The following DOCK3 variants were observed in gnomAD, a reference collection of about 807,000 sequenced individuals.
The protein encoded by DOCK3 is dedicator of cytokinesis protein 3.
A neutral mutation model predicts 265.6 loss-of-function variants in DOCK3; 60 were observed. The ratio of observed to expected loss-of-function variants is 0.23; its 90% CI spans 0.18 to 0.28. The LOEUF is 0.28. DOCK3 is among the 10% of genes least tolerant of loss of function. The probability of loss-of-function intolerance (pLI) is 1.00; values close to 1 mark genes in which losing one functional copy is unlikely to be tolerated. For synonymous variants in DOCK3, 881 were observed against 938.0 expected (o/e 0.94, Z 1.11); for missense variants, 1,981 against 2,594.3 (o/e 0.76, Z 5.14).
At chr3:51,066,924 G>T (rs1294121475) in intron 6 of DOCK3, among the ~76,000 whole-genome samples, 3 of 152,054 alleles carry the variant, frequency 2.0e-5, no homozygotes, top group Non-Finnish European at 2.9e-5. Context: ...CATGAATTTA[G>T]GTGTACCATA....
At chr3:50,981,795 T>G (rs2077700960) in intron 5 of DOCK3, among the ~76,000 whole-genome samples, 1 of 152,234 alleles carries the variant, frequency 6.6e-6, no homozygotes, top group African/African-American at 2.4e-5. Flanking sequence ...TCCATTTGCA[T>G]GAAGTATCTT....
In DOCK3 at chr3:50,725,915, T is replaced by A. The variant is rs890529442; in HGVS notation, c.37+50615T>A. On this transcript the variant is annotated intron_variant, in intron 1 of 52. Coordinates refer to ENST00000266037, the MANE Select transcript of DOCK3 (RefSeq NM_004947.5). The stretch of plus-strand genomic sequence containing the variant: ...CATCCCTTGGTATCTCTTGGAGTAA[T>A]TGTGAAAAGAGAACAAAAATTCCCA... Among the ~76,000 whole-genome samples, 5 of 152,252 alleles carry A rather than the reference T, an allele frequency of 3.3e-5. No individual in the cohort carries two copies. The East Asian group carries it at 9.7e-4, about 29-fold the overall frequency.
chr3:50,704,909 G>A (rs909874682), intron 1 of DOCK3, among the ~76,000 whole-genome samples: 1 of 152,076 alleles, frequency 6.6e-6, no homozygotes, highest in African/African-American at 2.4e-5. Context: ...GATTACAGAT[G>A]TGAGTCACCA....
chr3:50,829,236 GTTTTC>G (rs564891600), intron 2 of DOCK3, among the ~76,000 whole-genome samples: 115 of 152,174 alleles, frequency 7.6e-4, no homozygotes, highest in African/African-American at 2.6e-3. Context: ...GTTCATGGGT[GTTTTC>G]TTTTAGCATT....
intron 5 of DOCK3, among the ~76,000 whole-genome samples, chr3:50,957,346 T>A (rs1281330579): frequency 2.0e-5 from 3 of 152,226 alleles, no homozygotes; most frequent in Non-Finnish European, 4.4e-5. Context: ...TAAAATAACT[T>A]TCTTTTAAAA....
intron 4 of DOCK3, among the ~76,000 whole-genome samples, chr3:50,914,398 C>G (rs1279393904): frequency 1.3e-5 from 2 of 151,938 alleles, no homozygotes; most frequent in Non-Finnish European, 2.9e-5. Flanking sequence ...TGTTGTGTTT[C>G]TATTTTCACT....
chr3:51,071,286 G>A (rs1180179070), intron 6 of DOCK3, among the ~76,000 whole-genome samples: 2 of 152,240 alleles, frequency 1.3e-5, no homozygotes, highest in Non-Finnish European at 2.9e-5. Context: ...TATATTTGTT[G>A]AATTATTGGA....
chr3:51,174,124 A>G (rs1250603963), intron 12 of DOCK3, among the ~76,000 whole-genome samples: 1 of 152,086 alleles, frequency 6.6e-6, no homozygotes, highest in Non-Finnish European at 1.5e-5. Flanking sequence ...CAGTTCCAGT[A>G]TATCTTTTTA....
At chr3:50,961,881 T>A (rs920162192) in intron 5 of DOCK3, among the ~76,000 whole-genome samples, 1 of 152,222 alleles carries the variant, frequency 6.6e-6, no homozygotes. Context: ...TAGAAAGGAA[T>A]TATTAATTTT....
intron 2 of DOCK3, among the ~76,000 whole-genome samples, chr3:50,780,008 G>A (rs1180719220): frequency 1.3e-5 from 2 of 152,062 alleles, no homozygotes; most frequent in African/African-American, 4.8e-5. Flanking sequence ...TAATCTAGTT[G>A]GGTTACTGTT....
chr3:51,046,397 A>ATAT (rs1370494258), intron 5 of DOCK3, among the ~76,000 whole-genome samples: 1 of 152,190 alleles, frequency 6.6e-6, no homozygotes, highest in African/African-American at 2.4e-5. Flanking sequence ...GATGGAAAAA[A>ATAT]TATTCCATAA....
chr3:50,759,784 G>C (rs376657237), intron 1 of DOCK3, among the ~76,000 whole-genome samples: 101 of 151,520 alleles, frequency 6.7e-4, no homozygotes, highest in African/African-American at 2.3e-3. Context: ...CCTGAGCCCA[G>C]GAGTTCAAGG....
chr3:51,273,298 T>G (rs745419804), intron 24 of DOCK3, among the ~76,000 whole-genome samples: 21 of 152,208 alleles, frequency 1.4e-4, no homozygotes, highest in Non-Finnish European at 2.6e-4. Flanking sequence ...AGAAAAATTT[T>G]CTTAATATTT....
chr3:51,186,178 G>A (rs1231101292), intron 12 of DOCK3, among the ~76,000 whole-genome samples: 1 of 152,202 alleles, frequency 6.6e-6, no homozygotes, highest in Admixed American at 6.5e-5. Context: ...GGACAATAAG[G>A]TCCAGGCTGA....
intron 7 of DOCK3, among the ~76,000 whole-genome samples, chr3:51,081,141 A>C (rs1236041284): frequency 1.3e-5 from 2 of 152,182 alleles, no homozygotes; most frequent in Admixed American, 1.3e-4. Flanking sequence ...GACACATTTA[A>C]ATTAATATTT....
At chr3:50,978,849 G>A (rs1346268699) in intron 5 of DOCK3, among the ~76,000 whole-genome samples, 3 of 152,214 alleles carry the variant, frequency 2.0e-5, no homozygotes, top group Admixed American at 6.5e-5. Context: ...ATCTTGTGGT[G>A]TGCCGTTTTT....
chr3:51,238,238 G>C (rs530575411), intron 21 of DOCK3, among the ~76,000 whole-genome samples: 100 of 127,570 alleles, frequency 7.8e-4, no homozygotes, highest in African/African-American at 2.9e-3. Context: ...TGCTTCCCGG[G>C]TTCACACCAT....
At chr3:50,913,126 G>A (rs1190394356) in intron 4 of DOCK3, among the ~76,000 whole-genome samples, 1 of 152,066 alleles carries the variant, frequency 6.6e-6, no homozygotes, top group East Asian at 1.9e-4. Flanking sequence ...GGGTATCACT[G>A]GTGTTTATTC....
rs138484540 is a variant in DOCK3 at position 50,986,627 on chromosome 3, C to T, written c.315+52550C>T. Among the ~76,000 whole-genome samples the T allele has an allele frequency of 1.6e-3, 244 of 152,266 alleles. 2 individuals are homozygous for T. Among genetic ancestry groups the T allele is most frequent in the African/African-American group, 5.5e-3 (230 of 41,564 alleles). On this transcript the variant is annotated intron_variant, in intron 5 of 52. Coordinates refer to ENST00000266037, the MANE Select transcript of DOCK3 (RefSeq NM_004947.5). ...TCCAAATGTTTCAAATAATCATATTCTTTTGGATTTTCTCTGTTAACATTA... is the reference window on the plus strand; with the variant it reads ...TCCAAATGTTTCAAATAATCATATTTTTTTGGATTTTCTCTGTTAACATTA...
Sources: allele counts gnomAD v4.1 joint callset (sites outside exome capture counted in the v4.1 genomes callset), GRCh38; gene constraint gnomAD v4.1.1; transcripts MANE v1.5; gene names NCBI Gene and HGNC (gene_info 2026-07-23, HGNC 2026-07-21).